Variants in DACT1 observed in about 807,000 individuals in gnomAD.
DACT1 encodes dapper homolog 1.
DACT1 carries 19 observed loss-of-function variants against 35.3 expected under a neutral mutation model. That is an observed-to-expected ratio of 0.54 (90% CI 0.38 to 0.79). The LOEUF is 0.79. DACT1 is among the 30% of genes least tolerant of loss of function. The pLI, the probability that DACT1 is intolerant of heterozygous loss-of-function variation, is 0.00. For synonymous variants in DACT1, 545 were observed against 466.7 expected, an observed-to-expected ratio of 1.17 and a Z score of -2.16; for missense variants, 1,143 against 1,057.5, an observed-to-expected ratio of 1.08 and a Z score of -1.12.
At position 58,647,118 on chromosome 14, in the gene DACT1, T is replaced by C. The variant is rs1197493871; in HGVS notation, c.2384T>C (p.Leu795Pro). Residue 795 changes from leucine (L) to proline (P), a missense_variant, in exon 4 of 4, where the codon CTG becomes CCG. Physicochemically the swap from Leu to Pro is moderately conservative, Grantham distance 98. Transcript: ENST00000395153. Reference protein sequence around the residue: ...ILRFRSGSLKLMTTV With the variant: ...ILRFRSGSLKPMTTV ...CGCTTTCGGTCTGGCTCTTTGAAAC[T>C]GATGACGACGGTTTGAGTGACATCA... 6.2e-7 allele frequency: 1 copy of C among 1,613,998 alleles called. No homozygotes were observed. The highest frequency in any genetic ancestry group is 1.1e-5 in the South Asian group (1 of 91,026).
At chr14:58,639,932 A>G (rs1225216568) in intron 1 of DACT1, among the ~76,000 whole-genome samples, 1 of 152,272 alleles carries the variant, frequency 6.6e-6, no homozygotes, top group Non-Finnish European at 1.5e-5. Context: ...TAAGTGGCGC[A>G]TTCCTATTGT....
In DACT1 at chr14:58,647,169, T is replaced by C. The variant is rs1356198479; in HGVS notation, c.*35T>C. On this transcript the variant is annotated 3_prime_UTR_variant, in exon 4 of 4. Coordinates refer to ENST00000395153, the MANE Select transcript of DACT1 (RefSeq NM_001079520.2). ...TTGGTGTAGAAAGTTTGTGTGTTTT[T>C]TTTTCTTCTCCCTAGTTGCCAAAAT... The C allele has an allele frequency of 6.3e-7, 1 of 1,589,352 alleles. No individual in the cohort carries two copies. The highest frequency in any genetic ancestry group is 1.9e-5 in the Admixed American group (1 of 51,746).
At position 58,646,193 on chromosome 14, in the gene DACT1, C is replaced by T. The variant is rs1423474714; in HGVS notation, c.1459C>T (p.Pro487Ser). 3 of 1,613,686 alleles carry T rather than the reference C, an allele frequency of 1.9e-6. No individual in the cohort carries two copies. Among genetic ancestry groups the T allele is most frequent in the African/African-American group, 2.7e-5 (2 of 74,916 alleles). The change falls in exon 4 of 4, where the codon CCC (proline) becomes TCC (serine). Residue 487 changes from proline to serine, a missense_variant. By Grantham distance (74) the Pro-to-Ser change is moderately conservative. Around this residue, in one of 3 missense-constraint regions of DACT1, gnomAD observed 1,054 missense variants for 958.8 expected, o/e 1.10. Transcript: ENST00000395153. ...SLQGVPPATPPLLSTAFPVEE... is the reference protein window; with the variant it reads ...SLQGVPPATPSLLSTAFPVEE... ...GCAGGGCGTCCCCCCGGCCACTCCT[C>T]CCCTGCTGTCTACAGCTTTCCCCGT...
At position 58,641,667 on chromosome 14, in the gene DACT1, C is replaced by A; in HGVS notation, c.554C>A (p.Ser185Tyr). The A allele has an allele frequency of 6.2e-7, 1 of 1,614,200 alleles. No homozygotes were observed. The highest frequency in any genetic ancestry group is 8.5e-7 in the Non-Finnish European group (1 of 1,180,032). The change falls in exon 3 of 4, where the codon TCC (serine) becomes TAC (tyrosine). Residue 185 changes from serine to tyrosine, a missense_variant. By Grantham distance (144) the Ser-to-Tyr change is moderately radical. Transcript: ENST00000395153. ...SSNSVFSECL[S>Y]SCHSSTCFCS... is the part of the protein sequence containing the mutation. The stretch of plus-strand genomic sequence containing the variant: ...AACTCGGTGTTCAGTGAGTGTTTAT[C>A]CAGTTGTCATTCCAGCACCTGCTTT...
chr14:58,639,228 G>A, intron 1 of DACT1: 2 of 985,458 alleles, frequency 2.0e-6, no homozygotes. Flanking sequence ...GCTGTGATTG[G>A]TGGTGGAGGT....
upstream of DACT1, among the ~76,000 whole-genome samples, chr14:58,636,650 G>A (rs1174943334): frequency 6.6e-6 from 1 of 152,218 alleles, no homozygotes; most frequent in East Asian, 1.9e-4. Flanking sequence ...AAGCAGATGG[G>A]CAAAAGTGCA....
At chr14:58,644,415 T>C (rs189512682) in intron 3 of DACT1, among the ~76,000 whole-genome samples, 27 of 152,334 alleles carry the variant, frequency 1.8e-4, no homozygotes, top group Non-Finnish European at 3.5e-4. Context: ...AATTTTGTTG[T>C]AGAGAGATGG....
At chr14:58,636,873 T>C (rs2047575753), upstream of DACT1, among the ~76,000 whole-genome samples, 1 of 151,766 alleles carries the variant, frequency 6.6e-6, no homozygotes. Context: ...TGGAGTAGTG[T>C]GTTCCAAGCA....
Position 58,638,281 on chromosome 14 carries a change from C to A in DACT1, c.79C>A (p.Pro27Thr). The A allele has an allele frequency of 2.2e-6, 3 of 1,353,058 alleles. No homozygotes were observed. Among genetic ancestry groups the A allele is most frequent in the Admixed American group, 3.6e-5 (1 of 27,466 alleles). 83.8% of individuals were successfully genotyped at this position (1,353,058 alleles called of 1,614,324 possible). A position where few individuals can be genotyped will look rare whatever the true frequency, so the allele number is the denominator to read the frequency against. ...PARGEQRTAEPEGRWREKGEA... is the reference protein window; with the variant it reads ...PARGEQRTAETEGRWREKGEA... ...CCGAGGCGAGCAGCGCACGGCGGAG[C>A]CCGAGGGGCGCTGGCGGGAGAAGGG... Residue 27 changes from proline (P) to threonine (T), a missense_variant, in exon 1 of 4, where the codon CCC (proline) becomes ACC (threonine). Physicochemically the swap from Pro to Thr is conservative, Grantham distance 38 (BLOSUM62 -1). Transcript: ENST00000395153.
Position 58,638,229 on chromosome 14 carries a change from G to A in DACT1, c.27G>A (p.Ala9=). MKPSPAGT[A]KELEPPAPAR... is the part of the protein sequence containing the mutation. Reference sequence around the variant, plus strand: ...TGAAGCCGAGTCCGGCCGGGACGGCGAAGGAGCTGGAGCCTCCGGCGCCGG... The same window carrying A: ...TGAAGCCGAGTCCGGCCGGGACGGCAAAGGAGCTGGAGCCTCCGGCGCCGG... The change falls in exon 1 of 4, where the codon GCG becomes GCA. Residue 9 remains alanine (A), a synonymous_variant. Transcript: ENST00000395153. 1 of 1,354,140 alleles carries A rather than the reference G, an allele frequency of 7.4e-7. No individual in the cohort carries two copies. Among genetic ancestry groups the A allele is most frequent in the Admixed American group, 3.4e-5 (1 of 29,198 alleles). 83.9% of individuals were successfully genotyped at this position (1,354,140 alleles called of 1,614,324 possible).
chr14:58,641,501 T>C, intron 2 of DACT1, 91 bp from the exon 3 acceptor site: 1 of 1,426,592 alleles, frequency 7.0e-7, no homozygotes. Flanking sequence ...AAAAATCTCC[T>C]TTTCCTAAAT....
chr14:58,646,571 G>C lies in DACT1; in HGVS notation c.1837G>C (p.Gly613Arg). The C allele has an allele frequency of 6.4e-7, 1 of 1,567,338 alleles. No homozygotes were observed. The highest frequency in any genetic ancestry group is 1.2e-5 in the South Asian group (1 of 86,260). Residue 613 changes from glycine (G) to arginine (R), a missense_variant, in exon 4 of 4, where the codon GGC (glycine) becomes CGC (arginine). Physicochemically the swap from Gly to Arg is moderately radical, Grantham distance 125. Around this residue, in one of 3 missense-constraint regions of DACT1, gnomAD observed 1,054 missense variants for 958.8 expected, o/e 1.10. Coordinates refer to ENST00000395153, the MANE Select transcript of DACT1 (RefSeq NM_001079520.2). ...AGVPGRPAGG[G>R]HRAGSRAHGH... The stretch of plus-strand genomic sequence containing the variant: ...TGTTCCCGGCAGGCCCGCGGGCGGG[G>C]GCCACAGGGCGGGGAGCAGGGCGCA...
upstream of DACT1, among the ~76,000 whole-genome samples, chr14:58,634,947 T>C (rs1485842894): frequency 6.6e-6 from 1 of 152,204 alleles, no homozygotes; most frequent in Non-Finnish European, 1.5e-5. Flanking sequence ...CTCTTTTTCA[T>C]GCTGGCAACT....
At position 58,646,855 on chromosome 14, in the gene DACT1, C is replaced by A. The variant is rs139280719; in HGVS notation, c.2121C>A (p.Asp707Glu). ...FHSTVVDTSEDEQSNYTTNCF... is the reference protein window; with the variant it reads ...FHSTVVDTSEEEQSNYTTNCF... The stretch of plus-strand genomic sequence containing the variant: ...CCACCGTGGTGGACACCAGTGAGGA[C>A]GAGCAGAGCAATTACACCACCAACT... Residue 707 changes from aspartate to glutamate, a missense_variant, in exon 4 of 4, where the codon GAC becomes GAA. By Grantham distance (45) the Asp-to-Glu change is conservative. Coordinates refer to ENST00000395153, the MANE Select transcript of DACT1 (RefSeq NM_001079520.2). The A allele has an allele frequency of 1.1e-5, 18 of 1,614,056 alleles. No individual in the cohort carries two copies. Among genetic ancestry groups the A allele is most frequent in the Non-Finnish European group, 1.5e-5 (18 of 1,180,034 alleles).
Position 58,639,540 on chromosome 14 carries a change from G to A in DACT1, c.345+993G>A, listed in dbSNP as rs1485580348. ...TGGTGATGCTGTGCAGTTGTCATGT[G>A]TTTTCTTCTATTATCTCTTTTCAGA... On this transcript the variant is annotated intron_variant, in intron 1 of 3. Transcript: ENST00000395153. 2.6e-5 allele frequency among the ~76,000 whole-genome samples: 4 copies of A among 152,162 alleles called. 1 individual carries two copies. Among genetic ancestry groups the A allele is most frequent in the Non-Finnish European group, 4.4e-5 (3 of 68,026 alleles).
At chr14:58,638,805 T>G in intron 1 of DACT1, 1 of 1,173,728 alleles carries the variant, frequency 8.5e-7, no homozygotes, top group Non-Finnish European at 1.1e-6. Context: ...GGGTGGCCGC[T>G]CTTCCCTCCT....
rs2047715505 is a variant in DACT1, at chr14:58,648,304, G to T, written c.*1170G>T. 1 of 167,016 alleles carries T rather than the reference G, an allele frequency of 6.0e-6. No homozygotes were observed. The highest frequency in any genetic ancestry group is 2.4e-5 in the African/African-American group (1 of 41,428). The allele number at this position is 167,016 out of a possible 1,614,324, so 10.3% of individuals were successfully genotyped here. A position where few individuals can be genotyped will look rare whatever the true frequency, so the allele number is the denominator to read the frequency against. ...AGTTTGTTATTTGGGTATAAAACCA[G>T]ATGTTTACACCTGTAAATCTTGTGC... On this transcript the variant is annotated 3_prime_UTR_variant, in exon 4 of 4. Coordinates refer to ENST00000395153, the MANE Select transcript of DACT1 (RefSeq NM_001079520.2).
upstream of DACT1, among the ~76,000 whole-genome samples, chr14:58,634,725 G>A (rs2047563165): frequency 6.6e-6 from 1 of 152,248 alleles, no homozygotes; most frequent in Admixed American, 6.5e-5. Context: ...ATGTGCAACT[G>A]ATGCCCCTTA....
At chr14:58,643,544 G>T (rs948794353) in intron 3 of DACT1, among the ~76,000 whole-genome samples, 12 of 152,164 alleles carry the variant, frequency 7.9e-5, no homozygotes, top group Non-Finnish European at 1.2e-4. Context: ...GAGGGTCTGG[G>T]CCTCAAGTTC....
Sources: allele counts gnomAD v4.1 joint callset (sites outside exome capture counted in the v4.1 genomes callset), GRCh38; gene constraint gnomAD v4.1.1; regional missense constraint gnomAD v4.1.1; transcripts MANE v1.5; gene names NCBI Gene and HGNC (gene_info 2026-07-23, HGNC 2026-07-21).